The following HSP90AA1 variants were observed in gnomAD, a reference collection of about 807,000 sequenced individuals.
HSP90AA1 encodes the protein heat shock protein HSP 90-alpha.
Under a neutral mutation model 73.3 loss-of-function variants are expected in HSP90AA1, and 18 were observed. The ratio of observed to expected loss-of-function variants is 0.25; its 90% CI spans 0.17 to 0.36. The LOEUF (loss-of-function observed/expected upper bound fraction) is 0.36, where lower values mean the gene tolerates loss of function less well. HSP90AA1 is among the 10% of genes least tolerant of loss of function. The pLI is 1.00. For missense variants in HSP90AA1, 704 were observed against 874.2 expected (o/e 0.81, Z 2.45); for synonymous variants, 477 against 296.9 (o/e 1.61, Z -6.24).
chr14:102,126,681 C>A (rs1051577625), intron 1 of HSP90AA1, among the ~76,000 whole-genome samples: 2 of 152,098 alleles, frequency 1.3e-5, no homozygotes, highest in Non-Finnish European at 1.5e-5. Context: ...CCCGCCACCA[C>A]GCCCGGCTAA....
chr14:102,083,175 C>A lies in HSP90AA1; in HGVS notation c.1614G>T (p.Gly538=). ...YCVQQLKEFE[G]KTLVSVTKEG... is the part of the protein sequence containing the mutation. The stretch of plus-strand genomic sequence containing the variant: ...CTTTGGTGACTGACACTAAAGTCTT[C>A]CCCTCAAATTCCTTCAGCTGTTGGA... The change falls in exon 9 of 11, where the codon GGG becomes GGT. Residue 538 remains glycine (G), a synonymous_variant. Coordinates refer to ENST00000216281, the MANE Select transcript of HSP90AA1 (RefSeq NM_005348.4). 1 of 1,613,998 alleles carries A rather than the reference C, an allele frequency of 6.2e-7. No individual in the cohort carries two copies. Among genetic ancestry groups the A allele is most frequent in the Non-Finnish European group, 8.5e-7 (1 of 1,179,942 alleles).
Position 102,083,986 on chromosome 14 carries a change from G to GA in HSP90AA1, c.1148-4dup, listed in dbSNP as rs780881364. ...GTCTACCACCCCTCTAATGAAGTCT[G>GA]AAAAAAATATAAACCAAATGCACTG... On this transcript the variant is annotated splice_polypyrimidine_tract_variant and splice_region_variant and intron_variant, in intron 6 of 10. Coordinates refer to ENST00000216281, the MANE Select transcript of HSP90AA1 (RefSeq NM_005348.4). 8.1e-6 allele frequency: 13 copies of GA among 1,611,112 alleles called. No homozygotes were observed. Among genetic ancestry groups the GA allele is most frequent in the African/African-American group, 5.3e-5 (4 of 74,836 alleles).
At chr14:102,101,511 T>C (rs1185066436) in intron 2 of HSP90AA1, among the ~76,000 whole-genome samples, 4 of 152,276 alleles carry the variant, frequency 2.6e-5, no homozygotes, top group African/African-American at 9.6e-5. Flanking sequence ...CTTTTGCTTA[T>C]GCTGTCCTCC....
At position 102,123,394 on chromosome 14, in the gene HSP90AA1, G is replaced by GA. The variant is rs949693100; in HGVS notation, c.155+15855dup. Among the ~76,000 whole-genome samples the GA allele has an allele frequency of 2.0e-5, 3 of 151,942 alleles. 1 individual carries two copies. The highest frequency in any genetic ancestry group is 2.0e-4 in the Admixed American group (3 of 15,238). On this transcript the variant is annotated intron_variant, in intron 1 of 11. Coordinates refer to the HSP90AA1 transcript ENST00000334701. ...CAGAGCGAGACTCGGTCTAAAAAAA[G>GA]AAAGACAAAAAACAAAAACAAAAAC...
In HSP90AA1 at chr14:102,083,419, G is replaced by A. The variant is rs2049142840; in HGVS notation, c.1487-117C>T. On this transcript the variant is annotated intron_variant, in intron 8 of 10. Transcript: ENST00000216281. ...AGAACCTAAGACAGAAAATGACCTAGTTCATGTTAATTATCTTGCCTAGAT... is the reference window on the plus strand; with the variant it reads ...AGAACCTAAGACAGAAAATGACCTAATTCATGTTAATTATCTTGCCTAGAT... 7 of 1,427,426 alleles carry A rather than the reference G, an allele frequency of 4.9e-6. No individual in the cohort carries two copies. In the South Asian group the frequency reaches 6.9e-5, roughly 14 times the overall value. 88.4% of individuals were successfully genotyped at this position (1,427,426 alleles called of 1,614,324 possible).
In HSP90AA1 at chr14:102,083,135, G is replaced by T. The variant is rs1419768787; in HGVS notation, c.1654C>A (p.Pro552Thr). 2 of 1,613,640 alleles carry T rather than the reference G, an allele frequency of 1.2e-6. No individual in the cohort carries two copies. Among genetic ancestry groups the T allele is most frequent in the Non-Finnish European group, 1.7e-6 (2 of 1,179,870 alleles). Residue 552 changes from proline (P) to threonine (T), a missense_variant, in exon 9 of 11, where the codon CCA (proline) becomes ACA (threonine). Pro to Thr is a conservative substitution (Grantham distance 38, BLOSUM62 -1). Coordinates refer to ENST00000216281, the MANE Select transcript of HSP90AA1 (RefSeq NM_005348.4). ...VSVTKEGLEL[P>T]EDEEEKKKQE... is the part of the protein sequence containing the mutation. The stretch of plus-strand genomic sequence containing the variant: ...TTCTTTTTCTCTTCTTCATCCTCTG[G>T]AAGTTCCAGGCCTTCTTTGGTGACT...
intron 1 of HSP90AA1, among the ~76,000 whole-genome samples, chr14:102,102,975 T>TTC (rs2049514355): frequency 6.6e-6 from 1 of 151,878 alleles, no homozygotes; most frequent in African/African-American, 2.4e-5. Context: ...GGTCAGGAGT[T>TTC]TGAGACTAGC....
rs3831488 is a variant in HSP90AA1, at chr14:102,081,432, CCA to C, written c.*278_*279del. 4.8e-4 allele frequency: 244 copies of C among 512,970 alleles called. 1 individual carries two copies. Among genetic ancestry groups the C allele is most frequent in the Middle Eastern group, 4.2e-3 (8 of 1,910 alleles). The allele number at this position is 512,970 out of a possible 1,614,324, so 31.8% of individuals were successfully genotyped here. On this transcript the variant is annotated 3_prime_UTR_variant, in exon 11 of 11. Transcript: ENST00000216281. ...CGGCTTGACAGCTAAACACTTTAGA[CCA>C]CAAAGTTAACATCATGTTACATACG... is the stretch of plus-strand genomic sequence containing the variant.
chr14:102,088,774 C>T (rs2049308446), upstream of HSP90AA1, among the ~76,000 whole-genome samples: 1 of 151,998 alleles, frequency 6.6e-6, no homozygotes, highest in Admixed American at 6.5e-5. Flanking sequence ...TCCTTCCTGT[C>T]ACCACCAGCC....
upstream of HSP90AA1, among the ~76,000 whole-genome samples, chr14:102,088,618 GC>G (rs1378602173): frequency 6.6e-6 from 1 of 152,236 alleles, no homozygotes; most frequent in Non-Finnish European, 1.5e-5. Context: ...GGTAGCTGTT[GC>G]GCAGCCTGGG....
chr14:102,093,869 G>C (rs369711723), intron 2 of HSP90AA1, among the ~76,000 whole-genome samples: 5 of 152,142 alleles, frequency 3.3e-5, no homozygotes, highest in African/African-American at 9.7e-5. Context: ...AGCTACTCAG[G>C]AGGCTGAGGC....
At chr14:102,103,412 G>GGTGCATT (rs552055829) in intron 1 of HSP90AA1, among the ~76,000 whole-genome samples, 256 of 151,924 alleles carry the variant, frequency 1.7e-3, no homozygotes, top group African/African-American at 5.8e-3. Flanking sequence ...GTAGAGGTCA[G>GGTGCATT]GTGCATTGGT....
At chr14:102,105,787 A>G (rs2049559786) in intron 1 of HSP90AA1, among the ~76,000 whole-genome samples, 1 of 152,128 alleles carries the variant, frequency 6.6e-6, no homozygotes, top group African/African-American at 2.4e-5. Context: ...AAAGCTTTTG[A>G]GACTGGGCAT....
chr14:102,099,530 C>A (rs2049467020), intron 2 of HSP90AA1, among the ~76,000 whole-genome samples: 1 of 152,052 alleles, frequency 6.6e-6, no homozygotes, highest in African/African-American at 2.4e-5. Context: ...TCACTCCAGC[C>A]TGGGCAACAA....
At position 102,086,109 on chromosome 14, in the gene HSP90AA1, G is replaced by T. The variant is rs1008463524; in HGVS notation, c.178C>A (p.Arg60=). The change falls in exon 3 of 11, where the codon CGG becomes AGG. Residue 60 remains arginine, a synonymous_variant. Transcript: ENST00000216281. ...CTGGGATCTGTCAAGCTTTCATACC[G>T]GATTTTGTCCAATGCCTGTTAACAA... ...SNSSDALDKI[R]YESLTDPSKL... is the part of the protein sequence containing the mutation. 8 of 1,613,880 alleles carry T rather than the reference G, an allele frequency of 5.0e-6. No homozygotes were observed. Among genetic ancestry groups the T allele is most frequent in the Non-Finnish European group, 6.8e-6 (8 of 1,179,980 alleles).
intron 1 of HSP90AA1, among the ~76,000 whole-genome samples, chr14:102,134,789 G>A (rs1398181225): frequency 2.6e-5 from 4 of 152,194 alleles, no homozygotes; most frequent in Non-Finnish European, 4.4e-5. Context: ...TATTGCAAAG[G>A]GAGAAAGAAC....
rs192626808 is a variant in HSP90AA1 at position 102,135,404 on chromosome 14, G to T, written c.155+3846C>A. On this transcript the variant is annotated intron_variant, in intron 1 of 11. Coordinates refer to the HSP90AA1 transcript ENST00000334701. Reference sequence around the variant, plus strand: ...GTGGATTGGTGCACTCACAAACCTTGAGCTAAACACAGGGTGCTGATTGGT... The same window carrying T: ...GTGGATTGGTGCACTCACAAACCTTTAGCTAAACACAGGGTGCTGATTGGT... Among the ~76,000 whole-genome samples, 27 of 152,404 alleles carry T rather than the reference G, an allele frequency of 1.8e-4. No individual in the cohort carries two copies. In the East Asian group the frequency reaches 5.2e-3, roughly 29 times the overall value.
At chr14:102,112,940 G>C (rs2049659833) in intron 1 of HSP90AA1, among the ~76,000 whole-genome samples, 1 of 152,118 alleles carries the variant, frequency 6.6e-6, no homozygotes, top group Non-Finnish European at 1.5e-5. Flanking sequence ...ATTAGCACTT[G>C]TTGTAAATTC....
chr14:102,112,234 A>C (rs2049651046), intron 1 of HSP90AA1, among the ~76,000 whole-genome samples: 1 of 152,130 alleles, frequency 6.6e-6, no homozygotes, highest in Non-Finnish European at 1.5e-5. Context: ...GTGCACTGGC[A>C]CGATCTTGGC....
Sources: allele counts gnomAD v4.1 joint callset (sites outside exome capture counted in the v4.1 genomes callset), GRCh38; gene constraint gnomAD v4.1.1; transcripts MANE v1.5; gene names NCBI Gene and HGNC (gene_info 2026-07-23, HGNC 2026-07-21).